Variants in ATG2B observed in about 807,000 individuals in gnomAD.
ATG2B encodes autophagy related 2B, also known as autophagy-related protein 2 homolog B.
ATG2B carries 121 observed loss-of-function variants against 241.3 expected under a neutral mutation model. That is an observed-to-expected ratio of 0.50 (90% confidence interval 0.43 to 0.58). The LOEUF is 0.58. Among genes scored for constraint, ATG2B ranks in the 20% least tolerant of loss-of-function variants. The pLI is 0.00. For synonymous variants in ATG2B, 858 were observed against 876.6 expected, an observed-to-expected ratio of 0.98 and a Z score of 0.37; for missense variants, 2,306 against 2,491.6, an observed-to-expected ratio of 0.93 and a Z score of 1.59.
In ATG2B at chr14:96,342,450, G is replaced by A. The variant is rs1177192996; in HGVS notation, c.744+669C>T. 5.3e-5 allele frequency among the ~76,000 whole-genome samples: 8 copies of A among 152,252 alleles called. No individual in the cohort carries two copies. In the East Asian group the frequency reaches 1.5e-3, roughly 29 times the overall value. Reference sequence around the variant, plus strand: ...TATGAAACATAAATGGGCCAGACGTGGTGGCTCACGCCTGTAATCTCAGCA... The same window carrying A: ...TATGAAACATAAATGGGCCAGACGTAGTGGCTCACGCCTGTAATCTCAGCA... On this transcript the variant is annotated intron_variant, in intron 5 of 41. Coordinates refer to ENST00000359933, the MANE Select transcript of ATG2B (RefSeq NM_018036.7).
intron 5 of ATG2B, among the ~76,000 whole-genome samples, chr14:96,342,751 T>C (rs559361934): frequency 7.0e-4 from 106 of 151,662 alleles, no homozygotes; most frequent in African/African-American, 2.5e-3. Context: ...AAATGAGTTT[T>C]ATGAGTTTTG....
intron 1 of ATG2B, among the ~76,000 whole-genome samples, chr14:96,350,709 T>C (rs1888291785): frequency 6.6e-6 from 1 of 152,266 alleles, no homozygotes; most frequent in South Asian, 2.1e-4. Context: ...ATAGTGAGAC[T>C]TGATCGGCTC....
At chr14:96,317,550 AG>A (rs1258578278) in intron 19 of ATG2B, 147 bp downstream of exon 19, 1 of 716,798 alleles carries the variant, frequency 1.4e-6, no homozygotes, top group African/African-American at 1.8e-5. Context: ...GATAGAAATA[AG>A]GAAATATTCT....
At position 96,289,427 on chromosome 14, in the gene ATG2B, A is replaced by G. The variant is rs1023034213; in HGVS notation, c.6006+229T>C. 3.2e-5 allele frequency: 14 copies of G among 434,202 alleles called. No homozygotes were observed. The highest frequency in any genetic ancestry group is 2.4e-4 in the African/African-American group (12 of 50,394). 26.9% of individuals were successfully genotyped at this position (434,202 alleles called of 1,614,324 possible). A position where few individuals can be genotyped will look rare whatever the true frequency, so the allele number is the denominator to read the frequency against. On this transcript the variant is annotated intron_variant, in intron 41 of 41. Transcript: ENST00000359933. This position sits in a 1 kb window ranked among gnomAD's most constrained non-coding sequence, Gnocchi z 4.3. ...CCTGAGTGCTTCTGCAGGTGAAGAG[A>G]GAGAATCCATCCACCCACGCAATCA...
Position 96,289,316 on chromosome 14 carries a change from T to C in ATG2B, c.6006+340A>G, listed in dbSNP as rs758787870. 16 of 175,432 alleles carry C rather than the reference T, an allele frequency of 9.1e-5. No homozygotes were observed. Among genetic ancestry groups the C allele is most frequent in the South Asian group, 1.7e-4 (1 of 5,778 alleles). 10.9% of individuals were successfully genotyped at this position (175,432 alleles called of 1,614,324 possible). A position where few individuals can be genotyped will look rare whatever the true frequency, so the allele number is the denominator to read the frequency against. On this transcript the variant is annotated intron_variant, in intron 41 of 41. Coordinates refer to ENST00000359933, the MANE Select transcript of ATG2B (RefSeq NM_018036.7). This position sits in a 1 kb window ranked among gnomAD's most constrained non-coding sequence, Gnocchi z 4.3. Reference sequence around the variant, plus strand: ...GGGAGATTCATCTGAAAAGTTCTAGTTCTTAAGCAAATCTGAGGTAAGCAG... The same window carrying C: ...GGGAGATTCATCTGAAAAGTTCTAGCTCTTAAGCAAATCTGAGGTAAGCAG...
intron 18 of ATG2B, among the ~76,000 whole-genome samples, chr14:96,319,572 C>T (rs1244025937): frequency 6.6e-6 from 1 of 151,782 alleles, no homozygotes; most frequent in Admixed American, 6.6e-5. Context: ...GTTATAACTC[C>T]TGCTCAGAAA....
At chr14:96,336,901 G>C (rs1000766475) in intron 6 of ATG2B, among the ~76,000 whole-genome samples, 1 of 152,166 alleles carries the variant, frequency 6.6e-6, no homozygotes, top group African/African-American at 2.4e-5. Context: ...ATCTGAAGAA[G>C]GACAGAGCAG....
At chr14:96,347,786 C>T (rs753249301) in intron 1 of ATG2B, among the ~76,000 whole-genome samples, 1 of 152,176 alleles carries the variant, frequency 6.6e-6, no homozygotes, top group Admixed American at 6.5e-5. Context: ...AATGAGATAT[C>T]ATCTCACTAC....
chr14:96,337,830 T>A (rs1887906052), intron 6 of ATG2B, among the ~76,000 whole-genome samples: 1 of 152,164 alleles, frequency 6.6e-6, no homozygotes, highest in Non-Finnish European at 1.5e-5. Context: ...GGTATTTTGA[T>A]GGGAATTGCA....
chr14:96,308,239 TATATATATATATACACAC>T (rs1463261453), intron 29 of ATG2B, among the ~76,000 whole-genome samples: 1,555 of 17,340 alleles, frequency 0.09, 88 homozygotes, highest in Middle Eastern at 0.19. Flanking sequence ...TACATATATA[TATATATATATATACACAC>T]ATATATATAT....
intron 21 of ATG2B, among the ~76,000 whole-genome samples, chr14:96,316,214 G>A (rs1368779715): frequency 6.6e-6 from 1 of 152,198 alleles, no homozygotes; most frequent in Admixed American, 6.5e-5. Context: ...TAAAGTGTAT[G>A]AAATTTCTTC....
At chr14:96,337,819 C>T (rs1053036123) in intron 6 of ATG2B, among the ~76,000 whole-genome samples, 16 of 151,864 alleles carry the variant, frequency 1.1e-4, no homozygotes, top group African/African-American at 2.9e-4. Flanking sequence ...TGAAAAATGA[C>T]GGTATTTTGA....
intron 29 of ATG2B, among the ~76,000 whole-genome samples, chr14:96,308,268 A>ATACATATATATG (rs1887043381): frequency 6.5e-5 from 1 of 15,348 alleles, no homozygotes; most frequent in Non-Finnish European, 1.4e-4. Context: ...ATATATATAT[A>ATACATATATATG]TATATATATA....
chr14:96,362,687 C>T, intron 1 of ATG2B, 128 bp downstream of exon 1: 2 of 896,462 alleles, frequency 2.2e-6, no homozygotes, highest in South Asian at 3.4e-5. Flanking sequence ...TTTCTCTGAG[C>T]CGTGTCACAC....
intron 10 of ATG2B, 87 bp from the exon 11 acceptor site, chr14:96,331,724 T>TA (rs933790552): frequency 1.2e-5 from 13 of 1,048,494 alleles, no homozygotes; most frequent in African/African-American, 1.6e-5. Context: ...TTATTAGCTT[T>TA]AAAAAACAGA....
At chr14:96,322,419 G>T (rs1887483133) in intron 17 of ATG2B, 121 bp downstream of exon 17, 2 of 1,289,512 alleles carry the variant, frequency 1.6e-6, no homozygotes, top group Non-Finnish European at 2.1e-6. Flanking sequence ...ATTCAATTTT[G>T]AAGTTTAAGA....
rs1280498 is a variant in ATG2B at position 96,302,414 on chromosome 14, A to T, written c.5038-306T>A. The stretch of plus-strand genomic sequence containing the variant: ...GCCTGTGCAATATAGGAAAACCCCA[A>T]CTCCACAAAAAACAAAAAATTAGCC... On this transcript the variant is annotated intron_variant, in intron 33 of 41. Coordinates refer to ENST00000359933, the MANE Select transcript of ATG2B (RefSeq NM_018036.7). Among the ~76,000 whole-genome samples, 38,371 of 151,564 alleles carry T rather than the reference A, an allele frequency of 0.25. 5,090 individuals are homozygous for T. The highest frequency in any genetic ancestry group is 0.28 in the Non-Finnish European group (19,015 of 67,852).
At chr14:96,352,793 A>G (rs1278640489) in intron 1 of ATG2B, among the ~76,000 whole-genome samples, 5 of 133,274 alleles carry the variant, frequency 3.8e-5, no homozygotes, top group African/African-American at 3.0e-5. Context: ...CTTATTATTG[A>G]AAAAAAAAAG....
At position 96,289,080 on chromosome 14, in the gene ATG2B, A is replaced by C. The variant is rs1411178462; in HGVS notation, c.6006+576T>G. ...AACTGTGGAAATTAGACCTACATGG[A>C]TTAAGATTAACATGGATCTATCTTG... On this transcript the variant is annotated intron_variant, in intron 41 of 41. Transcript: ENST00000359933. This position sits in a 1 kb window ranked among gnomAD's most constrained non-coding sequence, Gnocchi z 4.3. Among the ~76,000 whole-genome samples, 1 of 152,086 alleles carries C rather than the reference A, an allele frequency of 6.6e-6. No homozygotes were observed. The highest frequency in any genetic ancestry group is 1.9e-4 in the East Asian group (1 of 5,202).
Sources: allele counts gnomAD v4.1 joint callset (sites outside exome capture counted in the v4.1 genomes callset), GRCh38; gene constraint gnomAD v4.1.1; non-coding constraint Gnocchi (gnomAD v3.1); transcripts MANE v1.5; gene names NCBI Gene and HGNC (gene_info 2026-07-23, HGNC 2026-07-21).